MACROD2: variants seen among roughly 807,000 people sequenced by gnomAD.
The protein encoded by MACROD2 is ADP-ribose glycohydrolase MACROD2.
Under a neutral mutation model 70.4 loss-of-function variants are expected in MACROD2, and 36 were observed. The observed-to-expected ratio is 0.51, with a 90% CI of 0.39 to 0.68. The LOEUF (loss-of-function observed/expected upper bound fraction) is 0.68, where lower values mean the gene tolerates loss of function less well. MACROD2 is among the 30% of genes least tolerant of loss of function. MACROD2 has a pLI of 0.00. For synonymous variants in MACROD2, 172 were observed against 178.8 expected (o/e 0.96, Z 0.30); for missense variants, 496 against 538.4 (o/e 0.92, Z 0.78).
intron 8 of MACROD2, among the ~76,000 whole-genome samples, chr20:15,794,718 G>T (rs541208321): frequency 6.6e-6 from 1 of 152,324 alleles, no homozygotes; most frequent in African/African-American, 2.4e-5. Flanking sequence ...AGTGGAGGAT[G>T]TAAAGCTTGT....
At chr20:14,734,646 T>C (rs995358689) in intron 5 of MACROD2, among the ~76,000 whole-genome samples, 2 of 152,068 alleles carry the variant, frequency 1.3e-5, no homozygotes, top group Non-Finnish European at 2.9e-5. Context: ...ATAGTAACTT[T>C]ATTAAAACTA....
At chr20:14,468,518 G>C (rs956498753) in intron 3 of MACROD2, among the ~76,000 whole-genome samples, 5 of 143,720 alleles carry the variant, frequency 3.5e-5, no homozygotes, top group South Asian at 2.1e-4. Flanking sequence ...TCTTTTTTTG[G>C]GGGGGGGCGT....
chr20:15,782,192 A>G (rs2051845171), intron 8 of MACROD2, among the ~76,000 whole-genome samples: 1 of 152,130 alleles, frequency 6.6e-6, no homozygotes, highest in Non-Finnish European at 1.5e-5. Context: ...AGATTAAATG[A>G]GACAGGACAT....
intron 3 of MACROD2, among the ~76,000 whole-genome samples, chr20:14,463,028 G>C (rs1191698573): frequency 6.6e-6 from 1 of 152,020 alleles, no homozygotes; most frequent in Non-Finnish European, 1.5e-5. Context: ...GCTGTATTTT[G>C]GTTCCATATG....
At chr20:15,968,322 GCA>G (rs777389436) in intron 13 of MACROD2, among the ~76,000 whole-genome samples, 19 of 152,068 alleles carry the variant, frequency 1.2e-4, no homozygotes, top group Non-Finnish European at 2.6e-4. Flanking sequence ...GCTCAAAAGG[GCA>G]CAGTTTCCAT....
rs554283142 is a variant in MACROD2 at position 15,743,624 on chromosome 20, C to A, written c.646-119121C>A. 1.2e-4 allele frequency among the ~76,000 whole-genome samples: 19 copies of A among 152,176 alleles called. 1 individual carries two copies. The South Asian group carries it at 3.9e-3, about 32-fold the overall frequency. Reference sequence around the variant, plus strand: ...ATCTGTTTTTTGATCCCTGAAAAATCTCTGGGCTTTCCTCCCTCCAGGCCT... The same window carrying A: ...ATCTGTTTTTTGATCCCTGAAAAATATCTGGGCTTTCCTCCCTCCAGGCCT... On this transcript the variant is annotated intron_variant, in intron 8 of 17. Transcript: ENST00000684519.
chr20:15,145,684 C>G (rs984637138), intron 5 of MACROD2, among the ~76,000 whole-genome samples: 5 of 152,104 alleles, frequency 3.3e-5, no homozygotes, highest in African/African-American at 1.2e-4. Flanking sequence ...ATTACCACGA[C>G]ATTTAAATTG....
intron 5 of MACROD2, among the ~76,000 whole-genome samples, chr20:15,181,698 A>AG (rs2145903115): frequency 6.6e-6 from 1 of 152,236 alleles, no homozygotes; most frequent in Admixed American, 6.5e-5. Context: ...AGTACTTTCT[A>AG]GGAATGCATT....
chr20:14,743,957 C>A (rs1480652854), intron 5 of MACROD2, among the ~76,000 whole-genome samples: 2 of 151,904 alleles, frequency 1.3e-5, no homozygotes, highest in Admixed American at 1.3e-4. Context: ...GTAGGGGCCA[C>A]AAGCCAAGAA....
chr20:14,711,720 C>T (rs2071341182), intron 5 of MACROD2, among the ~76,000 whole-genome samples: 1 of 152,198 alleles, frequency 6.6e-6, no homozygotes, highest in Admixed American at 6.5e-5. Flanking sequence ...ATCCCCCGCC[C>T]CAGCCCCAGT....
Position 14,444,835 on chromosome 20 carries a change from G to GTA in MACROD2, c.272-48632_272-48631dup, listed in dbSNP as rs534382023. On this transcript the variant is annotated intron_variant, in intron 3 of 17. Coordinates refer to ENST00000684519, the MANE Select transcript of MACROD2 (RefSeq NM_001351661.2). Reference sequence around the variant, plus strand: ...TCAGTTCTACCATCTCTGTGTGTGTGTATATATATATATGTGTGTGTGTGT... The same window carrying GTA: ...TCAGTTCTACCATCTCTGTGTGTGTGTATATATATATATATGTGTGTGTGTGT... Among the ~76,000 whole-genome samples the GTA allele has an allele frequency of 5.2e-3, 788 of 151,068 alleles. 3 individuals carry two copies. Among genetic ancestry groups the GTA allele is most frequent in the African/African-American group, 0.011 (452 of 41,134 alleles).
At chr20:15,332,854 A>G (rs2078007640) in intron 6 of MACROD2, among the ~76,000 whole-genome samples, 1 of 151,636 alleles carries the variant, frequency 6.6e-6, no homozygotes, top group Admixed American at 6.6e-5. Flanking sequence ...AACTCAGATC[A>G]CTAGTCCATG....
At chr20:14,884,496 C>A (rs1029391334) in intron 5 of MACROD2, 1 of 152,066 alleles carries the variant, frequency 6.6e-6, no homozygotes. Context: ...CTAGAAACTG[C>A]CACTCTTTTT....
At chr20:15,101,606 TGGTG>T (rs147919650) in intron 5 of MACROD2, among the ~76,000 whole-genome samples, 69,943 of 148,682 alleles carry the variant, frequency 0.47, 16,796 homozygotes, top group Middle Eastern at 0.57. Flanking sequence ...ATTTAAGAGT[TGGTG>T]GTTGGAAGCT....
At chr20:15,276,406 AT>A (rs55753715) in intron 6 of MACROD2, among the ~76,000 whole-genome samples, 119,786 of 138,646 alleles carry the variant, frequency 0.86, 52,615 homozygotes, top group Non-Finnish European at 0.91. Flanking sequence ...TCTCAAAAAA[AT>A]AAAAAAATAA....
At chr20:15,404,438 T>A (rs777361165) in intron 6 of MACROD2, among the ~76,000 whole-genome samples, 4 of 152,216 alleles carry the variant, frequency 2.6e-5, no homozygotes, top group African/African-American at 4.8e-5. Flanking sequence ...TAAGAAACTG[T>A]ACCAGGGAAG....
intron 2 of MACROD2, among the ~76,000 whole-genome samples, chr20:14,019,564 C>T (rs977701787): frequency 5.3e-5 from 8 of 152,084 alleles, no homozygotes; most frequent in African/African-American, 1.9e-4. Flanking sequence ...TGAGCCACTG[C>T]GCCTAGCTGG....
intron 4 of MACROD2, among the ~76,000 whole-genome samples, chr20:14,534,174 G>A (rs2423805): frequency 0.48 from 73,511 of 151,984 alleles, 18,061 homozygotes; most frequent in African/African-American, 0.54. Context: ...TAAAACACAG[G>A]AAGGGCCACA....
intron 3 of MACROD2, among the ~76,000 whole-genome samples, chr20:14,139,077 C>A (rs181815318): frequency 1.1e-4 from 17 of 152,166 alleles, no homozygotes; most frequent in Middle Eastern, 3.5e-3. Context: ...CCATTAAAAA[C>A]AAAAAGAAAA....
Sources: gnomAD v4.1 joint callset for allele counts (sites outside exome capture counted in the v4.1 genomes callset) on GRCh38, gnomAD v4.1.1 for gene constraint, MANE v1.5 for transcripts, NCBI Gene and HGNC (gene_info 2026-07-23, HGNC 2026-07-21) for gene names.